The following SH3KBP1 variants were observed in gnomAD, a reference collection of about 807,000 sequenced individuals.
The protein encoded by SH3KBP1 is SH3 domain-containing kinase-binding protein 1.
In SH3KBP1, 8 loss-of-function variants were observed where a neutral mutation model predicts 50.1. That is an observed-to-expected ratio of 0.16 (90% CI 0.09 to 0.29). SH3KBP1 has a LOEUF of 0.29. Ranked by LOEUF, SH3KBP1 falls within the 10% of genes least tolerant of loss-of-function variation. SH3KBP1 has a pLI of 1.00. For missense variants in SH3KBP1, 377 were observed against 535.2 expected (o/e 0.70, Z 2.92); for synonymous variants, 227 against 218.6 (o/e 1.04, Z -0.34).
chrX:19,557,685 A>G (rs188639442), intron 13 of SH3KBP1, among the ~76,000 whole-genome samples: 171 of 111,427 alleles, frequency 1.5e-3, no homozygotes, highest in Non-Finnish European at 2.6e-3. Flanking sequence ...GCATCTTGAT[A>G]TTTCCCCTCA....
At chrX:19,609,035 CT>C (rs2067328055) in intron 8 of SH3KBP1, among the ~76,000 whole-genome samples, 1 of 112,927 alleles carries the variant, frequency 8.9e-6, no homozygotes, top group South Asian at 3.6e-4. Flanking sequence ...GTTCTGGACA[CT>C]GAGCCAGGTG....
intron 2 of SH3KBP1, among the ~76,000 whole-genome samples, chrX:19,778,443 A>AG (rs1020451519): frequency 3.7e-5 from 4 of 108,191 alleles, no homozygotes; most frequent in African/African-American, 1.0e-4. Flanking sequence ...AAAAAAAAAA[A>AG]AAAAGAAAAG....
At chrX:19,827,807 T>C (rs984421293) in intron 2 of SH3KBP1, among the ~76,000 whole-genome samples, 9 of 96,767 alleles carry the variant, frequency 9.3e-5, no homozygotes, top group Admixed American at 2.3e-4. Context: ...TTTTTTTTTT[T>C]CATTAAATGA....
At chrX:19,660,109 A>G (rs960253917) in intron 6 of SH3KBP1, among the ~76,000 whole-genome samples, 1 of 112,691 alleles carries the variant, frequency 8.9e-6, no homozygotes, top group Admixed American at 9.4e-5. Flanking sequence ...TGCCACTTTC[A>G]GCACCTAGTG....
At chrX:19,799,533 T>C (rs943874142) in intron 2 of SH3KBP1, 11 of 855,253 alleles carry the variant, frequency 1.3e-5, no homozygotes, top group African/African-American at 1.2e-4. Flanking sequence ...TGAGACCAAA[T>C]TCCCCATCAT....
intron 9 of SH3KBP1, among the ~76,000 whole-genome samples, chrX:19,600,865 G>A (rs545206763): frequency 2.3e-4 from 26 of 111,175 alleles, no homozygotes; most frequent in South Asian, 2.3e-3. Flanking sequence ...AAAAAACAGT[G>A]GATATTAAGA....
At chrX:19,625,163 G>A (rs750838359) in intron 8 of SH3KBP1, among the ~76,000 whole-genome samples, 33 of 112,023 alleles carry the variant, frequency 2.9e-4, no homozygotes, top group Non-Finnish European at 5.1e-4. Flanking sequence ...TTATTTTCCT[G>A]TGGGGTGGGA....
intron 13 of SH3KBP1, among the ~76,000 whole-genome samples, chrX:19,555,430 G>T (rs1375125059): frequency 8.9e-6 from 1 of 111,748 alleles, no homozygotes; most frequent in Non-Finnish European, 1.9e-5. Flanking sequence ...ACCAGTGACC[G>T]CAGGTGACGT....
In SH3KBP1 at chrX:19,760,041, C is replaced by CCTCTCCCTCTCCCTCTCTCTCT. The variant is rs1556346157; in HGVS notation, c.163-13601_163-13600insAGAGAGAGAGGGAGAGGGAGAG. On this transcript the variant is annotated intron_variant, in intron 2 of 17. Coordinates refer to ENST00000397821, the MANE Select transcript of SH3KBP1 (RefSeq NM_031892.3). ...TCTCTCTCCTCTCTCTCTCTCTCTC[C>CCTCTCCCTCTCCCTCTCTCTCT]CTCTCTCTCTCTCTCTCTCTCTCTC... is the stretch of plus-strand genomic sequence containing the variant. Among the ~76,000 whole-genome samples, 109 of 50,418 alleles carry CCTCTCCCTCTCCCTCTCTCTCT rather than the reference C, an allele frequency of 2.2e-3. 1 individual carries two copies. Among genetic ancestry groups the CCTCTCCCTCTCCCTCTCTCTCT allele is most frequent in the African/African-American group, 9.8e-3 (105 of 10,717 alleles). 43.8% of individuals were successfully genotyped at this position (50,418 alleles called of 115,157 possible).
intron 2 of SH3KBP1, among the ~76,000 whole-genome samples, chrX:19,811,270 T>C (rs137883690): frequency 0.015 from 1,622 of 111,599 alleles, 17 homozygotes; most frequent in Non-Finnish European, 0.016. Flanking sequence ...ACAGCTACCA[T>C]CCTGATTCCT....
intron 12 of SH3KBP1, among the ~76,000 whole-genome samples, chrX:19,577,003 C>A (rs746536554): frequency 2.0e-4 from 22 of 112,383 alleles, no homozygotes; most frequent in African/African-American, 5.8e-4. Flanking sequence ...CAAAACTTTC[C>A]ACGAATTTGG....
intron 6 of SH3KBP1, among the ~76,000 whole-genome samples, chrX:19,649,892 A>T (rs1168348452): frequency 8.9e-6 from 1 of 112,442 alleles, no homozygotes; most frequent in East Asian, 2.8e-4. Context: ...TTTCTTTGTG[A>T]CTGCAGAACG....
In SH3KBP1 at chrX:19,594,982, G is replaced by A; in HGVS notation, c.1024C>T (p.Pro342Ser). ...KEGNRPKKPP[P>S]PSAPVIKQGA... ...TGTTTGATGACAGGAGCGGATGGAGGCGGTGGCTTCTTGGGTCTCTGAAAA... is the reference window on the plus strand; with the variant it reads ...TGTTTGATGACAGGAGCGGATGGAGACGGTGGCTTCTTGGGTCTCTGAAAA... Residue 342 changes from proline (P) to serine (S), a missense_variant, in exon 10 of 18, where the codon CCT becomes TCT. By Grantham distance (74) the Pro-to-Ser change is moderately conservative. Around this residue, in one of 3 missense-constraint regions of SH3KBP1, gnomAD observed 257 missense variants for 374.2 expected, o/e 0.69. Transcript: ENST00000397821. The A allele has an allele frequency of 8.3e-7, 1 of 1,202,969 alleles. No homozygotes were observed. Among genetic ancestry groups the A allele is most frequent in the Non-Finnish European group, 1.1e-6 (1 of 887,629 alleles).
intron 3 of SH3KBP1, among the ~76,000 whole-genome samples, chrX:19,739,014 GAAAA>G (rs1167676836): frequency 4.5e-5 from 1 of 22,462 alleles, no homozygotes; most frequent in Non-Finnish European, 8.8e-5. Context: ...CTGCCTCCAA[GAAAA>G]AAAAAAAAAA....
chrX:19,853,016 G>A (rs929555957), intron 1 of SH3KBP1, among the ~76,000 whole-genome samples: 1 of 112,682 alleles, frequency 8.9e-6, no homozygotes, highest in African/African-American at 3.2e-5. Flanking sequence ...AGGAATCAAG[G>A]TCATCTCTTG....
Position 19,536,366 on chromosome X carries a change from T to C in SH3KBP1, c.*51A>G. ...AGATTATTTTGGCTGGGGCAGAAAA[T>C]TTGAGTCTCGGACTCAGGATGAATA... On this transcript the variant is annotated 3_prime_UTR_variant, in exon 18 of 18. Coordinates refer to ENST00000397821, the MANE Select transcript of SH3KBP1 (RefSeq NM_031892.3). The C allele has an allele frequency of 1.1e-6, 1 of 872,261 alleles. No individual in the cohort carries two copies. The highest frequency in any genetic ancestry group is 2.4e-5 in the South Asian group (1 of 41,517). 71.9% of individuals were successfully genotyped at this position (872,261 alleles called of 1,213,427 possible). A position where few individuals can be genotyped will look rare whatever the true frequency, so the allele number is the denominator to read the frequency against.
intron 2 of SH3KBP1, among the ~76,000 whole-genome samples, chrX:19,827,779 G>C (rs1295335633): frequency 1.3e-5 from 1 of 77,501 alleles, no homozygotes; most frequent in African/African-American, 5.1e-5. Context: ...CAGAAGTGCA[G>C]TCTTTTTTTT....
intron 2 of SH3KBP1, among the ~76,000 whole-genome samples, chrX:19,805,721 T>C (rs372319654): frequency 9.1e-6 from 1 of 110,369 alleles, no homozygotes; most frequent in East Asian, 2.8e-4. Context: ...ACACAGACTC[T>C]GGAGTTAAGC....
intron 15 of SH3KBP1, among the ~76,000 whole-genome samples, chrX:19,543,724 G>C (rs191606643): frequency 9.0e-6 from 1 of 111,552 alleles, no homozygotes; most frequent in African/African-American, 3.3e-5. Flanking sequence ...TACGCTGAGA[G>C]AAAGAGCCAG....
Sources: allele counts gnomAD v4.1 joint callset (sites outside exome capture counted in the v4.1 genomes callset), GRCh38; gene constraint gnomAD v4.1.1; regional missense constraint gnomAD v4.1.1; transcripts MANE v1.5; gene names NCBI Gene and HGNC (gene_info 2026-07-23, HGNC 2026-07-21).